The following KNDC1 variants were observed in gnomAD, a reference collection of about 807,000 sequenced individuals.
The protein encoded by KNDC1 is kinase non-catalytic C-lobe domain-containing protein 1.
In KNDC1, 106 loss-of-function variants were observed where a neutral mutation model predicts 172.8. The observed-to-expected ratio is 0.61, with a 90% CI of 0.52 to 0.72. KNDC1 has a LOEUF of 0.72. Ranked by LOEUF, KNDC1 falls within the 30% of genes least tolerant of loss-of-function variation. The pLI, the probability that KNDC1 is intolerant of heterozygous loss-of-function variation, is 0.00. For synonymous variants in KNDC1, 1,083 were observed against 1,062.2 expected (o/e 1.02, Z -0.38); for missense variants, 2,325 against 2,394.5 (o/e 0.97, Z 0.61).
In KNDC1 at chr10:133,211,465, C is replaced by T. The variant is rs764482590; in HGVS notation, c.3952C>T (p.Arg1318Trp). 1.7e-5 allele frequency: 27 copies of T among 1,613,746 alleles called. No individual in the cohort carries two copies. Among genetic ancestry groups the T allele is most frequent in the African/African-American group, 1.3e-4 (10 of 74,934 alleles). The change falls in exon 22 of 30, where the codon CGG becomes TGG. Residue 1318 changes from arginine (R) to tryptophan (W), a missense_variant. Arg to Trp is a moderately radical substitution (Grantham distance 101, BLOSUM62 -3). Transcript: ENST00000304613. ...PTSTFTKIYRRSLCVLQAWVE... is the reference protein window; with the variant it reads ...PTSTFTKIYRWSLCVLQAWVE... ...CTCGACCTTCACCAAGATCTACAGG[C>T]GGAGCCTCTGCGTCCTGCAGGCCTG...
At chr10:133,213,231 G>T (rs1385611229) in intron 24 of KNDC1, among the ~76,000 whole-genome samples, 1 of 152,202 alleles carries the variant, frequency 6.6e-6, no homozygotes, top group Admixed American at 6.5e-5. Flanking sequence ...ATGGGGCGCT[G>T]AGTCTCTCCC....
intron 29 of KNDC1, among the ~76,000 whole-genome samples, chr10:133,221,933 C>T: frequency 7.8e-6 from 1 of 128,028 alleles, no homozygotes; most frequent in Non-Finnish European, 1.7e-5. Flanking sequence ...CTGGGTGCAG[C>T]CACTCACGCC....
At position 133,211,791 on chromosome 10, in the gene KNDC1, C is replaced by T. The variant is rs915214391; in HGVS notation, c.4169C>T (p.Ala1390Val). Reference protein sequence around the residue: ...RGTDLENPREAEEDARPFNAL... With the variant: ...RGTDLENPREVEEDARPFNAL... ...ACAGACCTGGAGAACCCCAGGGAGG[C>T]CGAGGAGGATGCCAGACCCTTCAAC... The change falls in exon 23 of 30, where the codon GCC becomes GTC. Residue 1390 changes from alanine to valine, a missense_variant. Ala to Val is a moderately conservative substitution (Grantham distance 64, BLOSUM62 0). Transcript: ENST00000304613. The T allele has an allele frequency of 1.2e-6, 2 of 1,610,722 alleles. No individual in the cohort carries two copies. Among genetic ancestry groups the T allele is most frequent in the South Asian group, 1.1e-5 (1 of 90,970 alleles).
chr10:133,200,488 G>T, intron 16 of KNDC1, 28 bp downstream of exon 16: 1 of 1,479,008 alleles, frequency 6.8e-7, no homozygotes, highest in East Asian at 2.7e-5. Context: ...CCCGCGGCAG[G>T]AGCTCTGCTG....
chr10:133,208,711 C>T (rs890821301), intron 20 of KNDC1, among the ~76,000 whole-genome samples: 10 of 152,210 alleles, frequency 6.6e-5, no homozygotes, highest in Non-Finnish European at 1.2e-4. Flanking sequence ...ACACAGCCCA[C>T]GCCCACCGCA....
intron 3 of KNDC1, among the ~76,000 whole-genome samples, chr10:133,178,202 T>C (rs1853612182): frequency 6.7e-6 from 1 of 150,278 alleles, no homozygotes; most frequent in African/African-American, 2.5e-5. Context: ...CAGTGTGGCA[T>C]GTGTATGTAT....
At chr10:133,176,070 G>A (rs1005068886) in intron 3 of KNDC1, among the ~76,000 whole-genome samples, 4 of 150,996 alleles carry the variant, frequency 2.6e-5, no homozygotes, top group African/African-American at 9.7e-5. Flanking sequence ...GAGTGGATAG[G>A]TGGATGGATG....
chr10:133,218,425 T>C, intron 26 of KNDC1, among the ~76,000 whole-genome samples: 1 of 152,016 alleles, frequency 6.6e-6, no homozygotes, highest in African/African-American at 2.4e-5. Flanking sequence ...GCGCAGCGGG[T>C]TGGGGGGTGG....
chr10:133,210,559 C>A (rs997369735), intron 20 of KNDC1, 52 bp from the exon 21 acceptor site: 1 of 1,086,728 alleles, frequency 9.2e-7, no homozygotes, highest in Non-Finnish European at 1.4e-6. Context: ...ACTAGCCGAG[C>A]CCTGGGGTGC....
intron 9 of KNDC1, among the ~76,000 whole-genome samples, 163 bp from the exon 10 acceptor site, chr10:133,195,500 G>C (rs1438623719): frequency 6.6e-6 from 1 of 152,190 alleles, no homozygotes; most frequent in Non-Finnish European, 1.5e-5. Flanking sequence ...CGGATGCAGG[G>C]GTCCAGGGTG....
intron 3 of KNDC1, among the ~76,000 whole-genome samples, chr10:133,177,178 AGT>A (rs74643523): frequency 6.6e-6 from 1 of 150,962 alleles, no homozygotes; most frequent in African/African-American, 2.4e-5. Context: ...TATACAGTAT[AGT>A]GTGTCATGTG....
At chr10:133,191,660 A>G (rs1326163077) in intron 9 of KNDC1, among the ~76,000 whole-genome samples, 1 of 152,224 alleles carries the variant, frequency 6.6e-6, no homozygotes, top group Non-Finnish European at 1.5e-5. Context: ...AGATGGTACC[A>G]CTGCACTCCA....
intron 26 of KNDC1, among the ~76,000 whole-genome samples, chr10:133,218,087 G>A (rs942610182): frequency 4.6e-5 from 7 of 151,460 alleles, no homozygotes; most frequent in South Asian, 4.2e-4. Context: ...GAGTCGATCC[G>A]GGGCATGGCG....
At chr10:133,176,518 G>T (rs1853543097) in intron 3 of KNDC1, among the ~76,000 whole-genome samples, 1 of 152,160 alleles carries the variant, frequency 6.6e-6, no homozygotes, top group South Asian at 2.1e-4. Context: ...TATGTGCAGT[G>T]GGCCCTGGCC....
intron 24 of KNDC1, 78 bp downstream of exon 24, chr10:133,213,000 A>G: frequency 1.6e-6 from 2 of 1,279,548 alleles, no homozygotes; most frequent in Non-Finnish European, 2.2e-6. Context: ...TAGGGCCCTC[A>G]GCGGCTGCTT....
intron 15 of KNDC1, 126 bp downstream of exon 15, chr10:133,199,728 A>T (rs1419761501): frequency 2.7e-6 from 3 of 1,115,308 alleles, no homozygotes; most frequent in Non-Finnish European, 3.8e-6. Context: ...TGCTGTCTCC[A>T]GAGGGGCTAC....
At position 133,209,233 on chromosome 10, in the gene KNDC1, C is replaced by T. The variant is rs1009089384; in HGVS notation, c.3795-1378C>T. ...GTGTGTGGTTGGGTTTTGTGTGGTG[C>T]GTATGCACATGTGTGGTGTGTGGTA... On this transcript the variant is annotated intron_variant, in intron 20 of 29. Coordinates refer to ENST00000304613, the MANE Select transcript of KNDC1 (RefSeq NM_152643.8). This position sits in a 1 kb window ranked among gnomAD's most constrained non-coding sequence, Gnocchi z 4.9. 3.1e-4 allele frequency among the ~76,000 whole-genome samples: 43 copies of T among 140,606 alleles called. No individual in the cohort carries two copies. Among genetic ancestry groups the T allele is most frequent in the African/African-American group, 1.1e-3 (42 of 37,002 alleles). 92.2% of individuals were successfully genotyped at this position (140,606 alleles called of 152,430 possible).
In KNDC1 at chr10:133,160,376, C is replaced by G. The variant is rs1285957729; in HGVS notation, c.-92C>G. ...CGGGCGGGCGGGGGCGGGCGAGGGC[C>G]GGGCGCGTCTCCATGGAGCCAGGGC... is the stretch of plus-strand genomic sequence containing the variant. On this transcript the variant is annotated 5_prime_UTR_variant, in exon 1 of 30. Coordinates refer to ENST00000304613, the MANE Select transcript of KNDC1 (RefSeq NM_152643.8). 7.0e-6 allele frequency: 4 copies of G among 570,554 alleles called. No individual in the cohort carries two copies. The highest frequency in any genetic ancestry group is 8.0e-5 in the South Asian group (1 of 12,462). The allele number at this position is 570,554 out of a possible 1,614,324, so 35.3% of individuals were successfully genotyped here.
intron 9 of KNDC1, among the ~76,000 whole-genome samples, chr10:133,192,660 A>C (rs1408725229): frequency 6.6e-6 from 1 of 152,206 alleles, no homozygotes; most frequent in Non-Finnish European, 1.5e-5. Flanking sequence ...TTTTTTAAAA[A>C]AACTCAATGA....
Sources: allele counts gnomAD v4.1 joint callset (sites outside exome capture counted in the v4.1 genomes callset), GRCh38; gene constraint gnomAD v4.1.1; non-coding constraint Gnocchi (gnomAD v3.1); transcripts MANE v1.5; gene names NCBI Gene and HGNC (gene_info 2026-07-23, HGNC 2026-07-21).